Variants in HELZ observed in about 807,000 individuals in gnomAD.
The protein encoded by HELZ is helicase with zinc finger, also known as ATP-dependent RNA helicase with zinc finger domain.
A neutral mutation model predicts 218.2 loss-of-function variants in HELZ; 23 were observed. That is an observed-to-expected ratio of 0.11 (90% CI 0.08 to 0.15). The LOEUF is 0.15. Among genes scored for constraint, HELZ ranks in the 10% least tolerant of loss-of-function variants. The probability of loss-of-function intolerance (pLI) is 1.00; values close to 1 mark genes in which losing one functional copy is unlikely to be tolerated. For missense variants in HELZ, 1,813 were observed against 2,353.7 expected (o/e 0.77, Z 4.75); for synonymous variants, 814 against 829.4 (o/e 0.98, Z 0.32).
In HELZ at chr17:67,166,499, G is replaced by A; in HGVS notation, c.1874C>T (p.Thr625Ile). The A allele has an allele frequency of 6.2e-7, 1 of 1,612,850 alleles. No homozygotes were observed. The highest frequency in any genetic ancestry group is 8.5e-7 in the Non-Finnish European group (1 of 1,178,994). The change falls in exon 15 of 33, where the codon ACC (threonine) becomes ATC (isoleucine). Residue 625 changes from threonine to isoleucine, a missense_variant. Coordinates refer to ENST00000358691, the MANE Select transcript of HELZ (RefSeq NM_014877.4). The part of the protein sequence containing the change: ...VLFPDISMTP[T>I]IPWSPNRQWD... ...GTACCTGTTAGGACTCCATGGTATG[G>A]TGGGAGTCATACTGATGTCTGGAAA...
intron 23 of HELZ, among the ~76,000 whole-genome samples, chr17:67,129,863 A>G (rs550217673): frequency 6.6e-6 from 1 of 152,260 alleles, no homozygotes; most frequent in East Asian, 1.9e-4. Flanking sequence ...ATAAATATGC[A>G]TACCTATGTT....
At chr17:67,227,526 G>A (rs2040927867) in intron 3 of HELZ, among the ~76,000 whole-genome samples, 1 of 152,242 alleles carries the variant, frequency 6.6e-6, no homozygotes, top group East Asian at 1.9e-4. Context: ...AAATGCAGCA[G>A]GATAAGTGTG....
chr17:67,079,628 C>G (rs1343986316), intron 32 of HELZ, among the ~76,000 whole-genome samples: 1 of 152,170 alleles, frequency 6.6e-6, no homozygotes, highest in Admixed American at 6.5e-5. Context: ...CAACTGTGGC[C>G]AAACCACTCT....
intron 27 of HELZ, among the ~76,000 whole-genome samples, chr17:67,114,679 C>A (rs1453410960): frequency 6.6e-6 from 1 of 152,224 alleles, no homozygotes; most frequent in Non-Finnish European, 1.5e-5. Flanking sequence ...ACTACCCAAT[C>A]TCCAGGAATT....
At position 67,086,709 on chromosome 17, in the gene HELZ, C is replaced by G. The variant is rs927116183; in HGVS notation, c.5494+120G>C. 16 of 839,214 alleles carry G rather than the reference C, an allele frequency of 1.9e-5. 1 individual carries two copies. In the African/African-American group the frequency reaches 2.9e-4, roughly 15 times the overall value. The allele number at this position is 839,214 out of a possible 1,614,324, so 52.0% of individuals were successfully genotyped here. A position where few individuals can be genotyped will look rare whatever the true frequency, so the allele number is the denominator to read the frequency against. The stretch of plus-strand genomic sequence containing the variant: ...TTGCACACCTATGAGCTATTAGCAT[C>G]ATTAAATATTGTTCAAAGATGATAA... On this transcript the variant is annotated intron_variant, in intron 32 of 32. Transcript: ENST00000358691.
At chr17:67,200,059 A>T (rs1015314522) in intron 7 of HELZ, among the ~76,000 whole-genome samples, 5 of 152,150 alleles carry the variant, frequency 3.3e-5, no homozygotes, top group Admixed American at 3.3e-4. Flanking sequence ...TTTAACCTCC[A>T]AGAGGACAAG....
chr17:67,218,542 A>G (rs2040665394), intron 4 of HELZ, 53 bp downstream of exon 4: 1 of 1,377,156 alleles, frequency 7.3e-7, no homozygotes, highest in Admixed American at 1.7e-5. Flanking sequence ...CCCCTCAATG[A>G]AAAAGGCCAT....
At position 67,193,173 on chromosome 17, in the gene HELZ, T is replaced by C. The variant is rs149336711; in HGVS notation, c.557+794A>G. On this transcript the variant is annotated intron_variant, in intron 9 of 32. Coordinates refer to ENST00000358691, the MANE Select transcript of HELZ (RefSeq NM_014877.4). ...GCCTGAGCAACATGGTGAAACCCCA[T>C]CTCTACAAAAAAAATACAAAAATCA... Among the ~76,000 whole-genome samples, 588 of 151,414 alleles carry C rather than the reference T, an allele frequency of 3.9e-3. 5 individuals carry two copies. The highest frequency in any genetic ancestry group is 0.014 in the African/African-American group (559 of 41,326).
Position 67,153,423 on chromosome 17 carries a change from G to A in HELZ, c.2178-2199C>T, listed in dbSNP as rs113297491. On this transcript the variant is annotated intron_variant, in intron 17 of 32. Transcript: ENST00000358691. The stretch of plus-strand genomic sequence containing the variant: ...ATTCTCTTCTGATGGCTTCTACTCC[G>A]TCAGTAAAATTACAAAGATCATCAG... Among the ~76,000 whole-genome samples the A allele has an allele frequency of 2.6e-5, 4 of 152,254 alleles. 1 individual carries two copies. Among genetic ancestry groups the A allele is most frequent in the African/African-American group, 7.2e-5 (3 of 41,540 alleles).
chr17:67,243,190 A>G (rs896507330), intron 2 of HELZ, among the ~76,000 whole-genome samples: 1 of 152,250 alleles, frequency 6.6e-6, no homozygotes, highest in African/African-American at 2.4e-5. Context: ...GTGTGTGATC[A>G]GGACATAATG....
intron 7 of HELZ, among the ~76,000 whole-genome samples, chr17:67,199,027 T>C (rs1413979098): frequency 6.6e-6 from 1 of 152,120 alleles, no homozygotes; most frequent in African/African-American, 2.4e-5. Context: ...GTAAAGTTGG[T>C]AATTCAATTA....
rs559145944 is a variant in HELZ at position 67,194,544 on chromosome 17, T to C, written c.482-502A>G. Among the ~76,000 whole-genome samples, 14 of 152,336 alleles carry C rather than the reference T, an allele frequency of 9.2e-5. No individual in the cohort carries two copies. The Middle Eastern group carries it at 0.014, about 148-fold the overall frequency. On this transcript the variant is annotated intron_variant, in intron 8 of 32. Coordinates refer to ENST00000358691, the MANE Select transcript of HELZ (RefSeq NM_014877.4). ...ACACGTCACTGTAGAATATAATCCTTTTTTAAAATTGAAATAAAGTTCAAA... is the reference window on the plus strand; with the variant it reads ...ACACGTCACTGTAGAATATAATCCTCTTTTAAAATTGAAATAAAGTTCAAA...
At position 67,166,506 on chromosome 17, in the gene HELZ, T is replaced by C; in HGVS notation, c.1867A>G (p.Thr623Ala). Residue 623 changes from threonine (T) to alanine (A), a missense_variant, in exon 15 of 33, where the codon ACT becomes GCT. Transcript: ENST00000358691. ...NGVLFPDISM[T>A]PTIPWSPNRQ... Reference sequence around the variant, plus strand: ...TTAGGACTCCATGGTATGGTGGGAGTCATACTGATGTCTGGAAACAAAACC... The same window carrying C: ...TTAGGACTCCATGGTATGGTGGGAGCCATACTGATGTCTGGAAACAAAACC... 3 of 1,613,244 alleles carry C rather than the reference T, an allele frequency of 1.9e-6. No individual in the cohort carries two copies. The highest frequency in any genetic ancestry group is 1.1e-5 in the South Asian group (1 of 91,062).
chr17:67,092,699 T>C (rs1006028993), intron 31 of HELZ, among the ~76,000 whole-genome samples: 11 of 152,170 alleles, frequency 7.2e-5, no homozygotes, highest in Admixed American at 5.2e-4. Flanking sequence ...GGCGCAGTGG[T>C]TCACGCCTGT....
chr17:67,099,639 G>C (rs937291684), intron 31 of HELZ, among the ~76,000 whole-genome samples: 9 of 152,108 alleles, frequency 5.9e-5, no homozygotes, highest in African/African-American at 1.7e-4. Context: ...GATAGTTTTA[G>C]TTTGAGTAAA....
intron 3 of HELZ, among the ~76,000 whole-genome samples, chr17:67,223,376 C>G (rs990451751): frequency 6.6e-6 from 1 of 152,172 alleles, no homozygotes; most frequent in African/African-American, 2.4e-5. Flanking sequence ...ATTAAGCACA[C>G]CAATGTAGGA....
At chr17:67,177,601 A>G (rs1227105972) in intron 13 of HELZ, among the ~76,000 whole-genome samples, 1 of 151,822 alleles carries the variant, frequency 6.6e-6, no homozygotes, top group Non-Finnish European at 1.5e-5. Flanking sequence ...TATAGATGAT[A>G]TAACCCACTG....
rs759727860 is a variant in HELZ, at chr17:67,109,452, T to C, written c.4153A>G (p.Asn1385Asp). 7 of 1,614,094 alleles carry C rather than the reference T, an allele frequency of 4.3e-6. No homozygotes were observed. The highest frequency in any genetic ancestry group is 5.9e-6 in the Non-Finnish European group (7 of 1,180,050). Residue 1385 changes from asparagine to aspartate, a missense_variant, in exon 29 of 33, where the codon AAT becomes GAT. Coordinates refer to ENST00000358691, the MANE Select transcript of HELZ (RefSeq NM_014877.4). ...TGATTTGGTTGTTCAGGCAAATTAT[T>C]CTGCTGCTGATTTAACAAGGTGTGC... is the stretch of plus-strand genomic sequence containing the variant. ...QQHTLLNQQQ[N>D]NLPEQPNQIP... is the part of the protein sequence containing the mutation.
At chr17:67,171,729 T>G (rs1022312600) in intron 13 of HELZ, among the ~76,000 whole-genome samples, 1 of 152,000 alleles carries the variant, frequency 6.6e-6, no homozygotes, top group Non-Finnish European at 1.5e-5. Flanking sequence ...GCACCCTCCA[T>G]TGCAACTATA....
Sources: gnomAD v4.1 joint callset for allele counts (sites outside exome capture counted in the v4.1 genomes callset) on GRCh38, gnomAD v4.1.1 for gene constraint, MANE v1.5 for transcripts, NCBI Gene and HGNC (gene_info 2026-07-23, HGNC 2026-07-21) for gene names.